Variants in NOS1 observed in about 807,000 individuals in gnomAD.
The protein encoded by NOS1 is NOS type I.
A neutral mutation model predicts 164.5 loss-of-function variants in NOS1; 51 were observed. That is an observed-to-expected ratio of 0.31 (90% CI 0.25 to 0.39). The LOEUF (loss-of-function observed/expected upper bound fraction) is 0.39. Among genes scored for constraint, NOS1 ranks in the 10% least tolerant of loss-of-function variants. The pLI, the probability that NOS1 is intolerant of heterozygous loss-of-function variation, is 1.00. For synonymous variants in NOS1, 719 were observed against 745.8 expected, an observed-to-expected ratio of 0.96 and a Z score of 0.59; for missense variants, 1,362 against 1,885.6, an observed-to-expected ratio of 0.72 and a Z score of 5.14.
chr12:117,285,375 TC>T, intron 6 of NOS1, 43 bp from the exon 7 acceptor site: 2 of 1,327,850 alleles, frequency 1.5e-6, no homozygotes, highest in South Asian at 1.3e-5. Flanking sequence ...CTTCTTTCCC[TC>T]CCCAGCTCCC....
chr12:117,214,243 C>G lies in NOS1; in HGVS notation c.*1066G>C. On this transcript the variant is annotated 3_prime_UTR_variant, in exon 29 of 29. Coordinates refer to ENST00000317775, the MANE Select transcript of NOS1 (RefSeq NM_000620.5). ...GTTACTTGATATTGTTTCCAGGCAC[C>G]AAAGCTTTAACATTTAATCCATTCA... is the stretch of plus-strand genomic sequence containing the variant. 1.0e-6 allele frequency: 1 copy of G among 985,288 alleles called. No individual in the cohort carries two copies. The highest frequency in any genetic ancestry group is 1.2e-6 in the Non-Finnish European group (1 of 829,910). The allele number at this position is 985,288 out of a possible 1,614,324, so 61.0% of individuals were successfully genotyped here.
At chr12:117,345,226 T>C (rs191993824) in intron 1 of NOS1, among the ~76,000 whole-genome samples, 1 of 152,288 alleles carries the variant, frequency 6.6e-6, no homozygotes, top group East Asian at 1.9e-4. Flanking sequence ...TTTTGCCGTG[T>C]TGGCCAGGCT....
At chr12:117,286,782 G>A (rs1308579250) in intron 5 of NOS1, among the ~76,000 whole-genome samples, 1 of 152,202 alleles carries the variant, frequency 6.6e-6, no homozygotes, top group African/African-American at 2.4e-5. Context: ...CTTCCCCACT[G>A]TAGCCCATTC....
intron 2 of NOS1, among the ~76,000 whole-genome samples, chr12:117,325,791 T>C (rs1875216850): frequency 1.3e-5 from 2 of 152,254 alleles, no homozygotes; most frequent in South Asian, 4.1e-4. Context: ...TGTCAGTCTC[T>C]GCTTCTGATG....
intron 8 of NOS1, among the ~76,000 whole-genome samples, chr12:117,279,765 AG>A (rs1377806110): frequency 1.3e-5 from 2 of 152,338 alleles, no homozygotes; most frequent in Non-Finnish European, 2.9e-5. Flanking sequence ...CAAGTGGAGC[AG>A]GGAGTCTGAG....
intron 3 of NOS1, among the ~76,000 whole-genome samples, chr12:117,303,066 C>T (rs1346449869): frequency 1.3e-5 from 2 of 152,166 alleles, no homozygotes; most frequent in Non-Finnish European, 2.9e-5. Context: ...TTATTTTTAT[C>T]CTGACATCAT....
Position 117,208,465 on chromosome 12 carries a change from C to A in NOS1, c.*6844G>T. The A allele has an allele frequency of 2.4e-6, 3 of 1,274,136 alleles. No individual in the cohort carries two copies. Among genetic ancestry groups the A allele is most frequent in the Non-Finnish European group, 3.1e-6 (3 of 979,970 alleles). 78.9% of individuals were successfully genotyped at this position (1,274,136 alleles called of 1,614,324 possible). A position where few individuals can be genotyped will look rare whatever the true frequency, so the allele number is the denominator to read the frequency against. On this transcript the variant is annotated 3_prime_UTR_variant, in exon 29 of 29. Transcript: ENST00000317775. ...CTGCCCACCTCCCCAGCTTCCCAAG[C>A]CCGGAACGGACACTGCGACGTGGGG...
rs201440099 is a variant in NOS1, at chr12:117,330,329, C to A, written c.725+16G>T. 1.1e-5 allele frequency: 18 copies of A among 1,597,484 alleles called. No individual in the cohort carries two copies. The African/African-American group carries it at 2.3e-4, about 20-fold the overall frequency. On this transcript the variant is annotated intron_variant, in intron 2 of 28. Coordinates refer to ENST00000317775, the MANE Select transcript of NOS1 (RefSeq NM_000620.5). This position sits in a 1 kb window ranked among gnomAD's most constrained non-coding sequence, Gnocchi z 4.6. ...ACACACACACACACACACACACACA[C>A]CCCTGTGGAGCTTACCTGTCCACCT...
intron 3 of NOS1, among the ~76,000 whole-genome samples, chr12:117,306,623 CCT>C (rs1491349767): frequency 1.3e-5 from 2 of 148,224 alleles, no homozygotes; most frequent in Admixed American, 6.9e-5. Context: ...CACAACCACT[CCT>C]TTTTTTTTTT....
intron 1 of NOS1, among the ~76,000 whole-genome samples, chr12:117,338,261 C>T (rs1875934715): frequency 6.6e-6 from 1 of 151,622 alleles, no homozygotes; most frequent in Non-Finnish European, 1.5e-5. Context: ...AAAAATTAGG[C>T]ATGGTGACAC....
intron 3 of NOS1, among the ~76,000 whole-genome samples, chr12:117,293,440 G>A (rs931849067): frequency 6.6e-6 from 1 of 152,046 alleles, no homozygotes; most frequent in Non-Finnish European, 1.5e-5. Context: ...TTTTTAACTA[G>A]CTCTAGAATC....
In NOS1 at chr12:117,210,412, T is replaced by G. The variant is rs192063777; in HGVS notation, c.*4897A>C. ...TTGTTGCTTCCTGGCAGTCTCAGAC[T>G]ACATTCCTGATACAGACAGAAGGCT... On this transcript the variant is annotated 3_prime_UTR_variant, in exon 29 of 29. Coordinates refer to ENST00000317775, the MANE Select transcript of NOS1 (RefSeq NM_000620.5). 248 of 985,460 alleles carry G rather than the reference T, an allele frequency of 2.5e-4. No homozygotes were observed. In the African/African-American group the frequency reaches 4.1e-3, roughly 16 times the overall value. 61.0% of individuals were successfully genotyped at this position (985,460 alleles called of 1,614,324 possible). A position where few individuals can be genotyped will look rare whatever the true frequency, so the allele number is the denominator to read the frequency against.
chr12:117,211,514 T>C lies in NOS1; in HGVS notation c.*3795A>G, dbSNP rs897480309. ...ACATTCTTAGGGACTCCCTGTTGCC[T>C]TCTGAATAAAGCCTAAATTTCTTGT... On this transcript the variant is annotated 3_prime_UTR_variant, in exon 29 of 29. Coordinates refer to ENST00000317775, the MANE Select transcript of NOS1 (RefSeq NM_000620.5). 1.1e-4 allele frequency: 110 copies of C among 984,996 alleles called. No individual in the cohort carries two copies. The African/African-American group carries it at 1.8e-3, about 17-fold the overall frequency. 61.0% of individuals were successfully genotyped at this position (984,996 alleles called of 1,614,324 possible). A position where few individuals can be genotyped will look rare whatever the true frequency, so the allele number is the denominator to read the frequency against.
intron 13 of NOS1, among the ~76,000 whole-genome samples, chr12:117,263,572 TTAC>T (rs983773119): frequency 8.1e-6 from 1 of 123,530 alleles, no homozygotes; most frequent in Non-Finnish European, 1.6e-5. Context: ...AATCAAGGTA[TTAC>T]TATTATTATT....
At chr12:117,289,542 C>T (rs758291321) in intron 4 of NOS1, among the ~76,000 whole-genome samples, 9 of 152,156 alleles carry the variant, frequency 5.9e-5, no homozygotes, top group Non-Finnish European at 7.3e-5. Context: ...TCTTTAAGTT[C>T]GGGATACACG....
chr12:117,226,755 A>C lies in NOS1; in HGVS notation c.3632T>G (p.Ile1211Ser). ...CCAGGAGGAGCATACGCCGTGGTGA[A>C]TTGGTCCTTCTCCATCTAGTAGAAT... The part of the protein sequence containing the change: ...SYRTRDGEGP[I>S]HHGVCSSWLN... The change falls in exon 24 of 29, where the codon ATT (isoleucine) becomes AGT (serine). Residue 1211 changes from isoleucine to serine, a missense_variant. Physicochemically the swap from Ile to Ser is moderately radical, Grantham distance 142. Coordinates refer to ENST00000317775, the MANE Select transcript of NOS1 (RefSeq NM_000620.5). 1 of 1,613,872 alleles carries C rather than the reference A, an allele frequency of 6.2e-7. No individual in the cohort carries two copies. The highest frequency in any genetic ancestry group is 8.5e-7 in the Non-Finnish European group (1 of 1,179,852).
intron 3 of NOS1, among the ~76,000 whole-genome samples, chr12:117,302,589 C>G (rs11831562): frequency 8.7e-6 from 1 of 114,420 alleles, no homozygotes; most frequent in Non-Finnish European, 1.8e-5. Context: ...AGCGAGACTC[C>G]GTCTCAAAAA....
chr12:117,245,520 A>G (rs1870551150), intron 18 of NOS1: 1 of 152,296 alleles, frequency 6.6e-6, no homozygotes, highest in African/African-American at 2.4e-5. Flanking sequence ...AATACTGAAG[A>G]AAGATAACAG....
At chr12:117,285,533 A>G (rs1250519309) in intron 6 of NOS1, among the ~76,000 whole-genome samples, 1 of 56,126 alleles carries the variant, frequency 1.8e-5, no homozygotes, top group South Asian at 4.9e-4. Context: ...TTTGACCAGA[A>G]AAAAAAAAAA....
Sources: gnomAD v4.1 joint callset for allele counts (sites outside exome capture counted in the v4.1 genomes callset) on GRCh38, gnomAD v4.1.1 for gene constraint, Gnocchi (gnomAD v3.1) non-coding constraint, MANE v1.5 for transcripts, NCBI Gene and HGNC (gene_info 2026-07-23, HGNC 2026-07-21) for gene names.